EXOC2: variants seen among roughly 807,000 people sequenced by gnomAD.
EXOC2 encodes the protein exocyst complex component 2, also known as SEC5-like 1.
Under a neutral mutation model 131.8 loss-of-function variants are expected in EXOC2, and 70 were observed. That is an observed-to-expected ratio of 0.53 (90% CI 0.44 to 0.65). The LOEUF (loss-of-function observed/expected upper bound fraction) is 0.65. EXOC2 is among the 30% of genes least tolerant of loss of function. The pLI is 0.00. For missense variants in EXOC2, 923 were observed against 1,108.6 expected, an observed-to-expected ratio of 0.83 and a Z score of 2.38; for synonymous variants, 411 against 398.4, an observed-to-expected ratio of 1.03 and a Z score of -0.38.
At chr6:522,092 G>A (rs1426840771) in intron 23 of EXOC2, among the ~76,000 whole-genome samples, 1 of 152,206 alleles carries the variant, frequency 6.6e-6, no homozygotes, top group East Asian at 1.9e-4. Context: ...ATTACTGGAT[G>A]CTTACTCCAA....
At chr6:688,499 T>C (rs934761159) in intron 1 of EXOC2, among the ~76,000 whole-genome samples, 1 of 152,180 alleles carries the variant, frequency 6.6e-6, no homozygotes, top group Non-Finnish European at 1.5e-5. Flanking sequence ...AAGCGCCTGA[T>C]AGATGCAGTG....
In EXOC2 at chr6:486,664, C is replaced by T; in HGVS notation, c.*7G>A. ...ATTTTCCTGGACTTCTTTTATGTGG[C>T]AGATATTTATGTTTTCATCATGGTT... is the stretch of plus-strand genomic sequence containing the variant. On this transcript the variant is annotated 3_prime_UTR_variant, in exon 28 of 28. Coordinates refer to ENST00000230449, the MANE Select transcript of EXOC2 (RefSeq NM_018303.6). The T allele has an allele frequency of 6.2e-7, 1 of 1,612,384 alleles. No individual in the cohort carries two copies. The highest frequency in any genetic ancestry group is 8.5e-7 in the Non-Finnish European group (1 of 1,178,502).
chr6:616,268 CT>C (rs1760993659), intron 6 of EXOC2, among the ~76,000 whole-genome samples: 2 of 152,288 alleles, frequency 1.3e-5, no homozygotes, highest in Admixed American at 1.3e-4. Flanking sequence ...GAGCACCTAC[CT>C]TCTCTGTTCC....
chr6:574,354 A>ACT (rs1356133960), intron 12 of EXOC2, among the ~76,000 whole-genome samples: 1 of 152,246 alleles, frequency 6.6e-6, no homozygotes, highest in Non-Finnish European at 1.5e-5. Context: ...ACGTGCAAGT[A>ACT]GTGGCCTCAT....
chr6:579,323 A>C (rs1467325127), intron 11 of EXOC2, among the ~76,000 whole-genome samples: 3 of 152,186 alleles, frequency 2.0e-5, no homozygotes, highest in African/African-American at 7.2e-5. Flanking sequence ...TAATAACAGA[A>C]ACTGTATTAC....
intron 23 of EXOC2, among the ~76,000 whole-genome samples, chr6:515,166 G>C (rs1765073288): frequency 6.6e-6 from 1 of 152,122 alleles, no homozygotes; most frequent in Non-Finnish European, 1.5e-5. Flanking sequence ...TTTCAGCTGA[G>C]CTCTAAGAAT....
chr6:633,233 C>G, intron 2 of EXOC2, 116 bp from the exon 3 acceptor site: 1 of 1,095,460 alleles, frequency 9.1e-7, no homozygotes, highest in African/African-American at 1.6e-5. Context: ...ATTGAATATA[C>G]CCAATATTAT....
At chr6:525,319 T>C (rs576908737) in intron 23 of EXOC2, 1 of 152,206 alleles carries the variant, frequency 6.6e-6, no homozygotes, top group Non-Finnish European at 1.5e-5. Context: ...TCTTCACAAA[T>C]TTACCCAAAG....
At chr6:512,289 T>G (rs997067350) in intron 23 of EXOC2, among the ~76,000 whole-genome samples, 1 of 152,232 alleles carries the variant, frequency 6.6e-6, no homozygotes, top group Non-Finnish European at 1.5e-5. Context: ...CTCATGCCTC[T>G]GCTGCCCCTG....
At chr6:597,711 C>T (rs1174622442) in intron 10 of EXOC2, among the ~76,000 whole-genome samples, 2 of 152,116 alleles carry the variant, frequency 1.3e-5, no homozygotes, top group Admixed American at 6.5e-5. Flanking sequence ...ATTATGGGTA[C>T]CCACACCATC....
In EXOC2 at chr6:487,812, G is replaced by A. The variant is rs774742252; in HGVS notation, c.2682-1048C>T. The stretch of plus-strand genomic sequence containing the variant: ...TACTGAGGTCAAGAGATTATTTCAC[G>A]GTTTAACAATGTTCAATATTAGAAT... On this transcript the variant is annotated intron_variant, in intron 27 of 27. Coordinates refer to ENST00000230449, the MANE Select transcript of EXOC2 (RefSeq NM_018303.6). Among the ~76,000 whole-genome samples the A allele has an allele frequency of 4.9e-4, 75 of 152,034 alleles. 1 individual carries two copies. Among genetic ancestry groups the A allele is most frequent in the Non-Finnish European group, 1.9e-4 (13 of 68,028 alleles).
intron 11 of EXOC2, among the ~76,000 whole-genome samples, chr6:583,994 A>C (rs988458683): frequency 1.7e-4 from 26 of 152,200 alleles, no homozygotes; most frequent in Non-Finnish European, 2.9e-5. Flanking sequence ...TATTCAGGAG[A>C]GAAACAATTT....
At chr6:516,568 T>C (rs1052195148) in intron 23 of EXOC2, among the ~76,000 whole-genome samples, 2 of 152,216 alleles carry the variant, frequency 1.3e-5, no homozygotes, top group East Asian at 3.9e-4. Context: ...CCCCACGAAG[T>C]CTTCTGACTA....
chr6:530,785 G>A (rs1381143585), intron 23 of EXOC2, among the ~76,000 whole-genome samples: 1 of 152,216 alleles, frequency 6.6e-6, no homozygotes, highest in Non-Finnish European at 1.5e-5. Flanking sequence ...TTCTGCATCT[G>A]TGGATTCAAC....
chr6:542,718 C>G (rs1337535289), intron 22 of EXOC2, among the ~76,000 whole-genome samples: 1 of 152,156 alleles, frequency 6.6e-6, no homozygotes, highest in African/African-American at 2.4e-5. Context: ...AACAGAGCAC[C>G]GTAGTAAGCT....
chr6:638,251 T>C (rs377601190), intron 1 of EXOC2, among the ~76,000 whole-genome samples: 2 of 152,208 alleles, frequency 1.3e-5, no homozygotes, highest in Non-Finnish European at 2.9e-5. Flanking sequence ...ACTATACTCA[T>C]AAAAATAAAA....
chr6:665,089 A>G (rs1340801546), intron 1 of EXOC2, among the ~76,000 whole-genome samples: 1 of 152,048 alleles, frequency 6.6e-6, no homozygotes, highest in Non-Finnish European at 1.5e-5. Flanking sequence ...AATCTGTAAG[A>G]AAAAAAACAA....
intron 1 of EXOC2, among the ~76,000 whole-genome samples, chr6:666,358 A>C (rs1763644063): frequency 6.6e-6 from 1 of 152,204 alleles, no homozygotes; most frequent in Non-Finnish European, 1.5e-5. Context: ...CGGCAGTCAT[A>C]CTGATGCAAA....
intron 4 of EXOC2, among the ~76,000 whole-genome samples, chr6:629,085 T>C (rs566892010): frequency 1.3e-5 from 2 of 152,090 alleles, no homozygotes; most frequent in African/African-American, 2.4e-5. Flanking sequence ...ATAGAGAGAT[T>C]ATTGGAGAAT....
Sources: allele counts gnomAD v4.1 joint callset (sites outside exome capture counted in the v4.1 genomes callset), GRCh38; gene constraint gnomAD v4.1.1; transcripts MANE v1.5; gene names NCBI Gene and HGNC (gene_info 2026-07-23, HGNC 2026-07-21).